Variants in MLLT1 observed in about 807,000 individuals in gnomAD.
The protein encoded by MLLT1 is MLLT1 super elongation complex subunit, also known as protein ENL.
Under a neutral mutation model 55.1 loss-of-function variants are expected in MLLT1, and 11 were observed. That is an observed-to-expected ratio of 0.20 (90% CI 0.13 to 0.33). The LOEUF is 0.33. Ranked by LOEUF, MLLT1 falls within the 10% of genes least tolerant of loss-of-function variation. The pLI is 1.00. For synonymous variants in MLLT1, 323 were observed against 320.1 expected, an observed-to-expected ratio of 1.01 and a Z score of -0.10; for missense variants, 536 against 760.6, an observed-to-expected ratio of 0.70 and a Z score of 3.47.
rs2090763529 is a variant in MLLT1, at chr19:6,211,044, C to T, written c.*1998G>A. The T allele has an allele frequency of 4.3e-6, 1 of 231,770 alleles. No individual in the cohort carries two copies. Among genetic ancestry groups the T allele is most frequent in the East Asian group, 6.1e-5 (1 of 16,410 alleles). 14.4% of individuals were successfully genotyped at this position (231,770 alleles called of 1,614,324 possible). ...GCTGAGTGGAAGGCTGCTCGAGTCG[C>T]TGTGTGGATTTTGGGGGACTCCTGC... On this transcript the variant is annotated 3_prime_UTR_variant, in exon 12 of 12. Transcript: ENST00000252674. This position sits in a 1 kb window ranked among gnomAD's most constrained non-coding sequence, Gnocchi z 4.6.
rs566511178 is a variant in MLLT1, at chr19:6,273,405, G to A, written c.13-2646C>T. ...GTGTGGGAAGAAAGTGGGGATGGAC[G>A]GAAGATCAGGCGCACTCATAAACCC... On this transcript the variant is annotated intron_variant, in intron 1 of 11. Transcript: ENST00000252674. This position sits in a 1 kb window ranked among gnomAD's most constrained non-coding sequence, Gnocchi z 4.3. Among the ~76,000 whole-genome samples the A allele has an allele frequency of 9.8e-5, 15 of 152,286 alleles. No homozygotes were observed. The highest frequency in any genetic ancestry group is 4.1e-4 in the South Asian group (2 of 4,828).
At chr19:6,224,314 G>C (rs1251805843) in intron 5 of MLLT1, among the ~76,000 whole-genome samples, 1 of 152,264 alleles carries the variant, frequency 6.6e-6, no homozygotes, top group Non-Finnish European at 1.5e-5. Flanking sequence ...CAGCGGGAGT[G>C]CCCCCAGAAT....
chr19:6,273,822 C>G lies in MLLT1; in HGVS notation c.13-3063G>C, dbSNP rs1238344761. On this transcript the variant is annotated intron_variant, in intron 1 of 11. Transcript: ENST00000252674. The surrounding 1 kb of genome is among the most constrained non-coding windows in gnomAD (Gnocchi z 4.3). ...TCGCTTATTCACTGACCCGGCCACT[C>G]AGACCTCGGCCGACTTCCCGGCATT... is the stretch of plus-strand genomic sequence containing the variant. Among the ~76,000 whole-genome samples the G allele has an allele frequency of 2.6e-5, 4 of 152,228 alleles. No homozygotes were observed. Among genetic ancestry groups the G allele is most frequent in the Non-Finnish European group, 4.4e-5 (3 of 68,030 alleles).
chr19:6,213,257 C>T, intron 11 of MLLT1, 80 bp downstream of exon 11: 1 of 1,607,994 alleles, frequency 6.2e-7, no homozygotes, highest in East Asian at 2.2e-5. Context: ...GCTCCTGGGG[C>T]AGCACCAGGG....
Position 6,213,769 on chromosome 19 carries a change from C to A in MLLT1, c.1436G>T (p.Cys479Phe). Residue 479 changes from cysteine to phenylalanine, a missense_variant, in exon 10 of 12, where the codon TGC (cysteine) becomes TTC (phenylalanine). Physicochemically the swap from Cys to Phe is radical, Grantham distance 205. Transcript: ENST00000252674. ...CTTGAGGATCTTCTCAGGCTTGCTG[C>A]AGGACTCGGGGCTCCTCCGGCCTGA... ...KVSGRRSPES[C>F]SKPEKILKKG... 6.2e-7 allele frequency: 1 copy of A among 1,612,800 alleles called. No individual in the cohort carries two copies. Among genetic ancestry groups the A allele is most frequent in the Non-Finnish European group, 8.5e-7 (1 of 1,179,602 alleles).
In MLLT1 at chr19:6,222,259, G is replaced by A; in HGVS notation, c.972C>T (p.Phe324=). 6.2e-7 allele frequency: 1 copy of A among 1,612,742 alleles called. No individual in the cohort carries two copies. The highest frequency in any genetic ancestry group is 8.5e-7 in the Non-Finnish European group (1 of 1,179,542). The part of the protein sequence containing the change: ...TSPRTSSSSS[F]SDKKPAKDKS... ...TGTCCTTGGCCGGCTTCTTGTCCGAGAAGGAGGAGGAGGAGGAGGTGCGGG... is the reference window on the plus strand; with the variant it reads ...TGTCCTTGGCCGGCTTCTTGTCCGAAAAGGAGGAGGAGGAGGAGGTGCGGG... The change falls in exon 6 of 12, where the codon TTC becomes TTT. Residue 324 remains phenylalanine (F), a synonymous_variant. Transcript: ENST00000252674. The surrounding 1 kb of genome is among the most constrained non-coding windows in gnomAD (Gnocchi z 4.1).
chr19:6,271,495 C>T (rs535641847), intron 1 of MLLT1, among the ~76,000 whole-genome samples: 64 of 152,284 alleles, frequency 4.2e-4, no homozygotes, highest in South Asian at 2.5e-3. Context: ...CAGCTCCCTC[C>T]GCTGAGCACA....
At chr19:6,216,741 T>G in intron 7 of MLLT1, 1 of 551,198 alleles carries the variant, frequency 1.8e-6, no homozygotes, top group Non-Finnish European at 3.2e-6. Flanking sequence ...CCTACCTTCC[T>G]GGCCCTGCTC....
At chr19:6,246,349 C>A (rs186130831) in intron 3 of MLLT1, among the ~76,000 whole-genome samples, 1 of 152,168 alleles carries the variant, frequency 6.6e-6, no homozygotes, top group Non-Finnish European at 1.5e-5. Context: ...TTTAGGGCAG[C>A]CTTATTCATA....
intron 10 of MLLT1, 119 bp downstream of exon 10, chr19:6,213,607 T>G: frequency 9.0e-7 from 1 of 1,106,680 alleles, no homozygotes; most frequent in Non-Finnish European, 1.4e-6. Context: ...CTGTCCCTGC[T>G]CCTGCCCAGG....
At chr19:6,275,893 C>A (rs757192627) in intron 1 of MLLT1, among the ~76,000 whole-genome samples, 1 of 152,230 alleles carries the variant, frequency 6.6e-6, no homozygotes, top group Non-Finnish European at 1.5e-5. Context: ...TATTTACGAA[C>A]CAGGGGCCCA....
intron 3 of MLLT1, among the ~76,000 whole-genome samples, chr19:6,244,373 A>AC (rs2091146933): frequency 6.6e-6 from 1 of 151,966 alleles, no homozygotes; most frequent in South Asian, 2.1e-4. Context: ...TTAAAAAAAA[A>AC]AAAACCCTCA....
chr19:6,222,175 C>G lies in MLLT1; in HGVS notation c.1056G>C (p.Lys352Asn). The G allele has an allele frequency of 6.3e-7, 1 of 1,584,428 alleles. No individual in the cohort carries two copies. The highest frequency in any genetic ancestry group is 1.1e-5 in the South Asian group (1 of 87,420). The part of the protein sequence containing the change: ...KAESEPREAK[K>N]ALEVEESNSE... ...AGTTGGACTCCTCCACCTCCAGGGC[C>G]TTTTTGGCCTCCCGGGGCTCACTCT... Residue 352 changes from lysine to asparagine, a missense_variant, in exon 6 of 12, where the codon AAG (lysine) becomes AAC (asparagine). Physicochemically the swap from Lys to Asn is moderately conservative, Grantham distance 94 (BLOSUM62 0). Around this residue, in one of 3 missense-constraint regions of MLLT1, gnomAD observed 449 missense variants for 489.0 expected, o/e 0.92. Coordinates refer to ENST00000252674, the MANE Select transcript of MLLT1 (RefSeq NM_005934.4). The surrounding 1 kb of genome is among the most constrained non-coding windows in gnomAD (Gnocchi z 4.1).
At chr19:6,253,539 C>T (rs1038546498) in intron 3 of MLLT1, among the ~76,000 whole-genome samples, 3 of 152,082 alleles carry the variant, frequency 2.0e-5, no homozygotes, top group African/African-American at 7.2e-5. Context: ...AACCACACAG[C>T]AATGTTCCTT....
chr19:6,276,995 G>A (rs1297875220), intron 1 of MLLT1, among the ~76,000 whole-genome samples: 2 of 152,186 alleles, frequency 1.3e-5, no homozygotes, highest in African/African-American at 2.4e-5. Context: ...CAAAGCCAGC[G>A]ACTGGGCGGA....
At chr19:6,246,793 C>A (rs1033507548) in intron 3 of MLLT1, among the ~76,000 whole-genome samples, 1 of 152,036 alleles carries the variant, frequency 6.6e-6, no homozygotes, top group Non-Finnish European at 1.5e-5. Flanking sequence ...GGGGGCAGAC[C>A]CAAGATGAAA....
chr19:6,243,781 C>T (rs377281756), intron 3 of MLLT1, among the ~76,000 whole-genome samples: 1 of 152,122 alleles, frequency 6.6e-6, no homozygotes, highest in Admixed American at 6.5e-5. Flanking sequence ...CGGTGGCTCA[C>T]GCCTGTAATC....
chr19:6,272,070 TC>T (rs1399158761), intron 1 of MLLT1, among the ~76,000 whole-genome samples: 1 of 151,954 alleles, frequency 6.6e-6, no homozygotes. Context: ...GGCAGGCAGA[TC>T]CTATCGCCCC....
In MLLT1 at chr19:6,226,946, C is replaced by T. The variant is rs991879835; in HGVS notation, c.546+31G>A. 4 of 1,535,532 alleles carry T rather than the reference C, an allele frequency of 2.6e-6. No individual in the cohort carries two copies. The highest frequency in any genetic ancestry group is 1.2e-5 in the South Asian group (1 of 80,874). Reference sequence around the variant, plus strand: ...CCCACCACAGCTGGGCCCCGGCGCTCCCACGCGACTGGGCCTTCCGCCTCA... The same window carrying T: ...CCCACCACAGCTGGGCCCCGGCGCTTCCACGCGACTGGGCCTTCCGCCTCA... On this transcript the variant is annotated intron_variant, in intron 5 of 11. Coordinates refer to ENST00000252674, the MANE Select transcript of MLLT1 (RefSeq NM_005934.4). This position sits in a 1 kb window ranked among gnomAD's most constrained non-coding sequence, Gnocchi z 6.3.
Sources: allele counts gnomAD v4.1 joint callset (sites outside exome capture counted in the v4.1 genomes callset), GRCh38; gene constraint gnomAD v4.1.1; regional missense constraint gnomAD v4.1.1; non-coding constraint Gnocchi (gnomAD v3.1); transcripts MANE v1.5; gene names NCBI Gene and HGNC (gene_info 2026-07-23, HGNC 2026-07-21).